TSC22D1: variants seen among roughly 807,000 people sequenced by gnomAD.
The protein encoded by TSC22D1 is TSC22 domain family member 1.
A neutral mutation model predicts 74.2 loss-of-function variants in TSC22D1; 9 were observed. The ratio of observed to expected loss-of-function variants is 0.12; its 90% confidence interval spans 0.07 to 0.21. TSC22D1 has a LOEUF of 0.21. TSC22D1 is among the 10% of genes least tolerant of loss of function. The pLI is 1.00. For missense variants in TSC22D1, 1,427 were observed against 1,304.7 expected (o/e 1.09, Z -1.44); for synonymous variants, 586 against 492.5 (o/e 1.19, Z -2.51).
intron 1 of TSC22D1, among the ~76,000 whole-genome samples, chr13:44,466,798 T>C (rs1192901722): frequency 6.6e-6 from 1 of 151,086 alleles, no homozygotes; most frequent in Non-Finnish European, 1.5e-5. Flanking sequence ...AAACAATATA[T>C]AGATTCCTGA....
intron 1 of TSC22D1, among the ~76,000 whole-genome samples, chr13:44,570,587 A>C (rs1883695891): frequency 6.6e-6 from 1 of 152,232 alleles, no homozygotes; most frequent in Non-Finnish European, 1.5e-5. Flanking sequence ...CCCAGTGATC[A>C]ACTGAAGGCA....
intron 2 of TSC22D1, 198 bp downstream of exon 2, chr13:44,435,846 C>T (rs902826853): frequency 3.6e-5 from 22 of 619,224 alleles, no homozygotes; most frequent in African/African-American, 1.7e-4. Flanking sequence ...CCATTTAATA[C>T]CCGCAGGGCC....
At chr13:44,536,978 A>T in intron 1 of TSC22D1, 1 of 970,780 alleles carries the variant, frequency 1.0e-6, no homozygotes, top group Non-Finnish European at 1.2e-6. Context: ...ACTAACACAC[A>T]GAAAGAATAC....
intron 1 of TSC22D1, among the ~76,000 whole-genome samples, chr13:44,511,203 T>G (rs1879697638): frequency 6.6e-6 from 1 of 152,074 alleles, no homozygotes; most frequent in Non-Finnish European, 1.5e-5. Context: ...GAGGATTGCT[T>G]GAGCCCGGGA....
upstream of TSC22D1, chr13:44,576,346 ACC>A (rs1260148287): frequency 4.7e-6 from 2 of 426,934 alleles, no homozygotes; most frequent in African/African-American, 4.1e-5. Flanking sequence ...CTAGCCTCAC[ACC>A]CCCCTTTATA....
chr13:44,528,668 C>T (rs1293703074), intron 1 of TSC22D1, among the ~76,000 whole-genome samples: 1 of 151,790 alleles, frequency 6.6e-6, no homozygotes, highest in African/African-American at 2.4e-5. Context: ...GATCAGAAAT[C>T]AATGAAACTG....
intron 1 of TSC22D1, chr13:44,540,135 G>A (rs1881378121): frequency 5.8e-6 from 2 of 342,744 alleles, no homozygotes; most frequent in African/African-American, 4.3e-5. Flanking sequence ...GACCTGTATT[G>A]GTCTAAGCCA....
chr13:44,494,399 A>AAG (rs1878868845), intron 1 of TSC22D1, among the ~76,000 whole-genome samples: 1 of 147,762 alleles, frequency 6.8e-6, no homozygotes, highest in Non-Finnish European at 1.5e-5. Flanking sequence ...AAAAAAAAAA[A>AAG]AAAAAAAGAT....
intron 1 of TSC22D1, among the ~76,000 whole-genome samples, chr13:44,493,010 G>A (rs1369062409): frequency 6.6e-6 from 1 of 152,044 alleles, no homozygotes; most frequent in Non-Finnish European, 1.5e-5. Context: ...AATCACCCAC[G>A]GGAGTAATGT....
chr13:44,454,559 A>ATGTTTAC (rs1876412859), intron 1 of TSC22D1, among the ~76,000 whole-genome samples: 1 of 144,020 alleles, frequency 6.9e-6, no homozygotes, highest in Non-Finnish European at 1.6e-5. Context: ...ATTAGTTACT[A>ATGTTTAC]TATTTACTAT....
intron 1 of TSC22D1, among the ~76,000 whole-genome samples, chr13:44,448,089 T>C (rs1329357360): frequency 6.6e-6 from 1 of 152,100 alleles, no homozygotes; most frequent in African/African-American, 2.4e-5. Flanking sequence ...GAATCACAGA[T>C]TTAGAAGCCA....
At chr13:44,435,082 TTGTAAAAGTCTGTGC>T in intron 2 of TSC22D1, 199 bp from the exon 3 acceptor site, 1 of 551,502 alleles carries the variant, frequency 1.8e-6, no homozygotes. Context: ...TGATCAAGCT[TTGTAAAAGTCTGTGC>T]TTCTCTGCAG....
chr13:44,456,556 G>A (rs754054689), intron 1 of TSC22D1, among the ~76,000 whole-genome samples: 12 of 152,114 alleles, frequency 7.9e-5, no homozygotes, highest in East Asian at 5.8e-4. Flanking sequence ...GTCCCCACCC[G>A]ACCCAGAAGC....
intron 1 of TSC22D1, among the ~76,000 whole-genome samples, chr13:44,462,250 T>C (rs1877037441): frequency 6.6e-6 from 1 of 152,226 alleles, no homozygotes; most frequent in African/African-American, 2.4e-5. Context: ...AGAAAATTAC[T>C]ATCATTTAAC....
chr13:44,454,327 C>T (rs1876387836), intron 1 of TSC22D1, among the ~76,000 whole-genome samples: 1 of 152,088 alleles, frequency 6.6e-6, no homozygotes, highest in Admixed American at 6.5e-5. Flanking sequence ...CTGAGGTATG[C>T]TTGGAACAGA....
chr13:44,500,112 GAAAAGA>G (rs1388472376), intron 1 of TSC22D1, among the ~76,000 whole-genome samples: 3 of 145,844 alleles, frequency 2.1e-5, no homozygotes, highest in Non-Finnish European at 3.0e-5. Flanking sequence ...AAAAAAAAAA[GAAAAGA>G]AAAAGAAAAA....
chr13:44,446,428 A>G (rs1168798713), intron 1 of TSC22D1, among the ~76,000 whole-genome samples: 1 of 151,946 alleles, frequency 6.6e-6, no homozygotes, highest in Non-Finnish European at 1.5e-5. Context: ...TGTTATGCCC[A>G]CTGTTTTTCA....
intron 1 of TSC22D1, among the ~76,000 whole-genome samples, chr13:44,449,753 A>T (rs1875972436): frequency 6.6e-6 from 1 of 152,244 alleles, no homozygotes; most frequent in Admixed American, 6.5e-5. Context: ...AATGAGGGTC[A>T]CTTTTTAGCA....
chr13:44,438,907 T>G (rs892375346), intron 1 of TSC22D1, among the ~76,000 whole-genome samples: 10 of 152,184 alleles, frequency 6.6e-5, no homozygotes, highest in African/African-American at 2.4e-4. Context: ...GAATGCCAAC[T>G]TCATGAAAAA....
Sources: gnomAD v4.1 joint callset for allele counts (sites outside exome capture counted in the v4.1 genomes callset) on GRCh38, gnomAD v4.1.1 for gene constraint, MANE v1.5 for transcripts, NCBI Gene and HGNC (gene_info 2026-07-23, HGNC 2026-07-21) for gene names.